THRA: variants seen among roughly 807,000 people sequenced by gnomAD.
THRA encodes the protein thyroid hormone receptor alpha, also known as EAR-7.
A neutral mutation model predicts 45.0 loss-of-function variants in THRA; 13 were observed. That is an observed-to-expected ratio of 0.29 (90% CI 0.19 to 0.46). The LOEUF is 0.46. Ranked by LOEUF, THRA falls within the 20% of genes least tolerant of loss-of-function variation. The pLI is 1.00. For synonymous variants in THRA, 195 were observed against 214.0 expected (o/e 0.91, Z 0.78); for missense variants, 278 against 556.1 (o/e 0.50, Z 5.03).
At chr17:40,082,207 C>CTTTTTTT (rs770974952) in intron 4 of THRA, among the ~76,000 whole-genome samples, 3 of 78,784 alleles carry the variant, frequency 3.8e-5, no homozygotes, top group African/African-American at 9.9e-5. Flanking sequence ...CTTGGATTTC[C>CTTTTTTT]TTTTTTTTTT....
At chr17:40,087,588 G>A (rs1208341406) in intron 7 of THRA, among the ~76,000 whole-genome samples, 1 of 152,082 alleles carries the variant, frequency 6.6e-6, no homozygotes, top group East Asian at 1.9e-4. Context: ...AAGTCTATGC[G>A]GCCACCCAAC....
At chr17:40,076,183 C>T (rs1354215586) in intron 2 of THRA, among the ~76,000 whole-genome samples, 2 of 152,196 alleles carry the variant, frequency 1.3e-5, no homozygotes, top group Non-Finnish European at 2.9e-5. Context: ...CAGGCACAAG[C>T]AGGGTCTCAG....
chr17:40,088,610 C>G lies in THRA; in HGVS notation c.982+110C>G, dbSNP rs1279213161. ...TCCTGAATCTTCTTCTGGGCTACCT[C>G]TCTGTCACCTGGGCCATCCCCTATC... On this transcript the variant is annotated intron_variant, in intron 8 of 8. Coordinates refer to ENST00000450525, the MANE Select transcript of THRA (RefSeq NM_199334.5). 2.2e-6 allele frequency: 3 copies of G among 1,372,144 alleles called. No homozygotes were observed. In the African/African-American group the frequency reaches 4.3e-5, roughly 20 times the overall value. 85.0% of individuals were successfully genotyped at this position (1,372,144 alleles called of 1,614,324 possible).
chr17:40,080,719 T>C (rs1428093112), intron 4 of THRA, among the ~76,000 whole-genome samples: 2 of 125,914 alleles, frequency 1.6e-5, no homozygotes, highest in Non-Finnish European at 3.1e-5. Context: ...TTTGGTGACT[T>C]TTTTTTTTTT....
At position 40,091,017 on chromosome 17, in the gene THRA, G is replaced by A. The variant is rs546639723; in HGVS notation, c.*1561G>A. 6.6e-6 allele frequency: 1 copy of A among 152,228 alleles called. No homozygotes were observed. The highest frequency in any genetic ancestry group is 2.4e-5 in the African/African-American group (1 of 41,338). The allele number at this position is 152,228 out of a possible 1,614,324, so 9.4% of individuals were successfully genotyped here. On this transcript the variant is annotated 3_prime_UTR_variant, in exon 9 of 9. Coordinates refer to ENST00000450525, the MANE Select transcript of THRA (RefSeq NM_199334.5). ...CTCCCATGGGAGCAGGAGGTGGGGT[G>A]GGACAGAGCAGACCAGAGGGTGCTG...
intron 4 of THRA, among the ~76,000 whole-genome samples, chr17:40,083,258 A>G (rs890793305): frequency 6.6e-6 from 1 of 151,188 alleles, no homozygotes; most frequent in Middle Eastern, 3.4e-3. Flanking sequence ...TAGTAGAGAC[A>G]GGGTTTCACC....
At chr17:40,081,244 G>A (rs924539330) in intron 4 of THRA, among the ~76,000 whole-genome samples, 2 of 151,714 alleles carry the variant, frequency 1.3e-5, no homozygotes, top group African/African-American at 4.9e-5. Context: ...GAAAGACAAG[G>A]CTTATCTTTT....
intron 2 of THRA, among the ~76,000 whole-genome samples, chr17:40,076,503 T>A (rs1986958793): frequency 6.6e-6 from 1 of 152,190 alleles, no homozygotes; most frequent in Admixed American, 6.5e-5. Flanking sequence ...TGCATATGTA[T>A]GTGTGTGTTC....
At chr17:40,082,653 C>T (rs973863180) in intron 4 of THRA, among the ~76,000 whole-genome samples, 9 of 152,076 alleles carry the variant, frequency 5.9e-5, no homozygotes, top group East Asian at 1.9e-4. Context: ...TGAGCCACCG[C>T]GCCCGGCCAA....
At chr17:40,079,424 T>C (rs1460191712) in intron 4 of THRA, among the ~76,000 whole-genome samples, 1 of 152,112 alleles carries the variant, frequency 6.6e-6, no homozygotes. Context: ...TTTGTATTTT[T>C]AGTAGAGATA....
intron 4 of THRA, among the ~76,000 whole-genome samples, chr17:40,082,910 C>T (rs1485005081): frequency 3.3e-5 from 5 of 150,486 alleles, no homozygotes; most frequent in South Asian, 2.1e-4. Context: ...GGATTACAGG[C>T]GCCCACCACC....
In THRA at chr17:40,074,275, C is replaced by G; in HGVS notation, c.-214C>G. Reference sequence around the variant, plus strand: ...ACAAACCCAGCTTGCCCCCAGCCCTCCCACCTGCCACTCCCTGGCCCCTCC... The same window carrying G: ...ACAAACCCAGCTTGCCCCCAGCCCTGCCACCTGCCACTCCCTGGCCCCTCC... On this transcript the variant is annotated 5_prime_UTR_variant, in exon 2 of 9. Transcript: ENST00000450525. The G allele has an allele frequency of 1.7e-6, 1 of 583,502 alleles. No individual in the cohort carries two copies. The highest frequency in any genetic ancestry group is 3.1e-6 in the Non-Finnish European group (1 of 326,094). The allele number at this position is 583,502 out of a possible 1,614,324, so 36.1% of individuals were successfully genotyped here.
rs1986884291 is a variant in THRA, at chr17:40,074,536, G to A, written c.48G>A (p.Glu16=). ...TGGAGTGTGGGTCAGACCCAGAGGA[G>A]AACAGGTAATGGGTTCAGCAACTAG... ...SKVECGSDPE[E]NSARSPDGKR... is the part of the protein sequence containing the mutation. Residue 16 remains glutamate, a synonymous_variant, in exon 2 of 9, where the codon GAG becomes GAA. Transcript: ENST00000450525. 33 of 1,614,106 alleles carry A rather than the reference G, an allele frequency of 2.0e-5. No individual in the cohort carries two copies. The highest frequency in any genetic ancestry group is 2.8e-5 in the Non-Finnish European group (33 of 1,179,948).
At chr17:40,071,365 C>T (rs562092492) in intron 1 of THRA, among the ~76,000 whole-genome samples, 57 of 152,328 alleles carry the variant, frequency 3.7e-4, no homozygotes, top group African/African-American at 1.3e-3. Flanking sequence ...CAGAGTGGGA[C>T]GGCTCGGCAG....
chr17:40,087,095 GACACACATACAC>G (rs1987346101), intron 7 of THRA: 1 of 507,162 alleles, frequency 2.0e-6, no homozygotes. Flanking sequence ...TACGTACACA[GACACACATACAC>G]ACACACATAC....
chr17:40,076,836 T>C (rs1485001180), intron 2 of THRA, 35 bp from the exon 3 acceptor site: 1 of 1,611,378 alleles, frequency 6.2e-7, no homozygotes, highest in Admixed American at 1.7e-5. Context: ...ACTCGAAGAC[T>C]GCTCTGTGAT....
rs746350223 is a variant in THRA, at chr17:40,078,727, C to CTT, written c.222+1140_222+1141dup. On this transcript the variant is annotated intron_variant, in intron 4 of 8. Transcript: ENST00000450525. ...TAAAATGCAGATTCCCAGCCTTCAT[C>CTT]TTTTTTTTTTTTTTTTTTTTTTGAG... Among the ~76,000 whole-genome samples the CTT allele has an allele frequency of 8.8e-3, 900 of 102,576 alleles. 9 individuals carry two copies. The highest frequency in any genetic ancestry group is 0.012 in the Non-Finnish European group (633 of 52,204). The allele number at this position is 102,576 out of a possible 152,430, so 67.3% of individuals were successfully genotyped here. A position where few individuals can be genotyped will look rare whatever the true frequency, so the allele number is the denominator to read the frequency against.
intron 7 of THRA, among the ~76,000 whole-genome samples, chr17:40,087,917 C>T (rs188369688): frequency 6.6e-6 from 1 of 152,294 alleles, no homozygotes; most frequent in East Asian, 1.9e-4. Flanking sequence ...TGCCACCACG[C>T]CCAACTAATT....
At chr17:40,084,177 C>T (rs1011673911) in intron 5 of THRA, among the ~76,000 whole-genome samples, 195 bp downstream of exon 5, 1 of 152,118 alleles carries the variant, frequency 6.6e-6, no homozygotes, top group Non-Finnish European at 1.5e-5. Context: ...CTGTGTGGGC[C>T]CCAATGCCTA....
Sources: allele counts gnomAD v4.1 joint callset (sites outside exome capture counted in the v4.1 genomes callset), GRCh38; gene constraint gnomAD v4.1.1; transcripts MANE v1.5; gene names NCBI Gene and HGNC (gene_info 2026-07-23, HGNC 2026-07-21).